Variants in SV2C observed in about 807,000 individuals in gnomAD.
SV2C encodes the protein synaptic vesicle glycoprotein 2C.
SV2C carries 49 observed loss-of-function variants against 79.7 expected under a neutral mutation model. The observed-to-expected ratio is 0.61, with a 90% CI of 0.49 to 0.78. The LOEUF (loss-of-function observed/expected upper bound fraction) is 0.78, where lower values mean the gene tolerates loss of function less well. Among genes scored for constraint, SV2C ranks in the 30% least tolerant of loss-of-function variants. SV2C has a pLI of 0.00. For synonymous variants in SV2C, 334 were observed against 333.2 expected (o/e 1.00, Z -0.03); for missense variants, 833 against 912.9 (o/e 0.91, Z 1.13).
chr5:76,069,016 G>C, the SV2C span, among the ~76,000 whole-genome samples: 1 of 152,266 alleles, frequency 6.6e-6, no homozygotes, highest in East Asian at 1.9e-4. Context: ...AAACAGCTCA[G>C]GTATGCAGCT....
chr5:76,025,760 G>A, the SV2C span, among the ~76,000 whole-genome samples: 2 of 152,106 alleles, frequency 1.3e-5, no homozygotes, highest in Non-Finnish European at 2.9e-5. Flanking sequence ...GAAGTCAGAT[G>A]GCCCATTTCT....
intron 4 of SV2C, among the ~76,000 whole-genome samples, chr5:76,260,405 T>C (rs1475972950): frequency 6.6e-6 from 1 of 152,218 alleles, no homozygotes; most frequent in Non-Finnish European, 1.5e-5. Context: ...CTGTTCACGC[T>C]GATGATAGTT....
chr5:75,871,574 C>T, the SV2C span, among the ~76,000 whole-genome samples: 1 of 151,978 alleles, frequency 6.6e-6, no homozygotes, highest in Non-Finnish European at 1.5e-5. Flanking sequence ...CTTTGGGAGG[C>T]CAAGGCCGGT....
the SV2C span, among the ~76,000 whole-genome samples, chr5:75,993,129 A>G: frequency 6.6e-6 from 1 of 152,194 alleles, no homozygotes; most frequent in South Asian, 2.1e-4. Flanking sequence ...ATTTTAGAGA[A>G]ATAAAGTAAT....
the SV2C span, among the ~76,000 whole-genome samples, chr5:76,026,972 A>G: frequency 1.0e-3 from 159 of 152,040 alleles, no homozygotes; most frequent in African/African-American, 3.6e-3. Context: ...TTTTTTTCTA[A>G]GGGAATTACT....
intron 12 of SV2C, among the ~76,000 whole-genome samples, chr5:76,347,205 C>T (rs1346924728): frequency 4.6e-5 from 7 of 152,102 alleles, no homozygotes; most frequent in Non-Finnish European, 1.5e-5. Flanking sequence ...AAGGACAGGG[C>T]CTTTTTACCC....
chr5:75,921,898 A>G, the SV2C span, among the ~76,000 whole-genome samples: 1 of 152,034 alleles, frequency 6.6e-6, no homozygotes, highest in Non-Finnish European at 1.5e-5. Context: ...CATTCATTCA[A>G]GAAACAATCA....
At chr5:75,986,532 C>T in the SV2C span, among the ~76,000 whole-genome samples, 12 of 151,826 alleles carry the variant, frequency 7.9e-5, no homozygotes, top group South Asian at 2.1e-4. Context: ...CCTTCCAGAA[C>T]GATAAGGGAG....
chr5:76,109,770 C>T (rs1748041363), intron 1 of SV2C, among the ~76,000 whole-genome samples: 1 of 152,166 alleles, frequency 6.6e-6, no homozygotes. Context: ...GGGTTCTCTA[C>T]AGGTGCCAGA....
the SV2C span, among the ~76,000 whole-genome samples, chr5:76,034,801 T>A: frequency 0.069 from 10,488 of 152,260 alleles, 1,221 homozygotes; most frequent in African/African-American, 0.24. Flanking sequence ...TTTCTATTGA[T>A]TGGAATAGTT....
the SV2C span, among the ~76,000 whole-genome samples, chr5:75,988,999 G>A: frequency 1.3e-5 from 2 of 151,742 alleles, no homozygotes; most frequent in Non-Finnish European, 2.9e-5. Flanking sequence ...ACTTTCCTTT[G>A]TCTTGTCATT....
At chr5:75,956,963 C>T in the SV2C span, among the ~76,000 whole-genome samples, 1 of 151,960 alleles carries the variant, frequency 6.6e-6, no homozygotes, top group African/African-American at 2.4e-5. Flanking sequence ...CTCCTCCTCC[C>T]TATTACAGTC....
the SV2C span, among the ~76,000 whole-genome samples, chr5:76,001,073 T>C: frequency 6.7e-6 from 1 of 150,218 alleles, no homozygotes. Context: ...TGAGCTCTGA[T>C]GGGCGATGAA....
rs758466764 is a variant in SV2C at position 76,174,333 on chromosome 5, C to T, written c.581-20586C>T. Reference sequence around the variant, plus strand: ...GCCGCGCCGCTCCGGCTGGTTTACACGCCTGAATCTGGGCGAGGTTTTCTC... The same window carrying T: ...GCCGCGCCGCTCCGGCTGGTTTACATGCCTGAATCTGGGCGAGGTTTTCTC... On this transcript the variant is annotated intron_variant, in intron 2 of 12. Coordinates refer to ENST00000502798, the MANE Select transcript of SV2C (RefSeq NM_014979.4). The T allele has an allele frequency of 3.6e-4, 257 of 719,992 alleles. 2 individuals are homozygous for T. The highest frequency in any genetic ancestry group is 5.3e-4 in the South Asian group (30 of 56,550). 44.6% of individuals were successfully genotyped at this position (719,992 alleles called of 1,614,324 possible). A position where few individuals can be genotyped will look rare whatever the true frequency, so the allele number is the denominator to read the frequency against.
the SV2C span, chr5:75,911,054 G>A: frequency 4.7e-5 from 57 of 1,202,658 alleles, no homozygotes; most frequent in African/African-American, 1.2e-4. Flanking sequence ...TGAATCTGTC[G>A]CAACAACTGA....
At chr5:76,244,076 C>T (rs1363011247) in intron 4 of SV2C, among the ~76,000 whole-genome samples, 1 of 152,234 alleles carries the variant, frequency 6.6e-6, no homozygotes, top group Non-Finnish European at 1.5e-5. Context: ...GTCCAAGCCC[C>T]TAGCTCCTTA....
the SV2C span, among the ~76,000 whole-genome samples, chr5:75,954,563 G>A: frequency 6.6e-6 from 1 of 150,504 alleles, no homozygotes; most frequent in Non-Finnish European, 1.5e-5. Context: ...GCAGGAGAAG[G>A]AAATAAAGGG....
intron 12 of SV2C, among the ~76,000 whole-genome samples, chr5:76,303,060 G>A (rs1359147857): frequency 6.6e-6 from 1 of 152,030 alleles, no homozygotes; most frequent in Non-Finnish European, 1.5e-5. Flanking sequence ...CTATTACTGA[G>A]CTTGCAGAAC....
At chr5:76,075,835 G>A in the SV2C span, 1 of 223,454 alleles carries the variant, frequency 4.5e-6, no homozygotes, top group African/African-American at 2.3e-5. Flanking sequence ...TAACCCTAAA[G>A]TGGCAGCAGT....
Sources: gnomAD v4.1 joint callset for allele counts (sites outside exome capture counted in the v4.1 genomes callset) on GRCh38, gnomAD v4.1.1 for gene constraint, MANE v1.5 for transcripts, NCBI Gene and HGNC (gene_info 2026-07-23, HGNC 2026-07-21) for gene names.